The following MYBL2 variants were observed in gnomAD, a reference collection of about 807,000 sequenced individuals.
MYBL2 encodes myb-related protein B.
MYBL2 carries 28 observed loss-of-function variants against 79.9 expected under a neutral mutation model. The ratio of observed to expected loss-of-function variants is 0.35; its 90% CI spans 0.26 to 0.48. The LOEUF is 0.48. Ranked by LOEUF, MYBL2 falls within the 20% of genes least tolerant of loss-of-function variation. The pLI is 0.99. For missense variants in MYBL2, 735 were observed against 893.9 expected (o/e 0.82, Z 2.27); for synonymous variants, 378 against 361.2 (o/e 1.05, Z -0.53).
intron 4 of MYBL2, among the ~76,000 whole-genome samples, chr20:43,684,725 TAGTTGGGAGGCTG>T (rs758332623): frequency 4.0e-5 from 6 of 151,334 alleles, no homozygotes; most frequent in Non-Finnish European, 8.8e-5. Context: ...GGGGTGCCTG[TAGTTGGGAGGCTG>T]AGTTGGGAGG....
chr20:43,682,404 T>C (rs1436143254), intron 3 of MYBL2, among the ~76,000 whole-genome samples: 1 of 152,208 alleles, frequency 6.6e-6, no homozygotes, highest in Non-Finnish European at 1.5e-5. Flanking sequence ...AGAAAGCATG[T>C]CACCAGATCC....
chr20:43,695,564 C>T (rs1018702525), intron 6 of MYBL2, among the ~76,000 whole-genome samples: 5 of 152,028 alleles, frequency 3.3e-5, no homozygotes, highest in African/African-American at 1.2e-4. Flanking sequence ...TGGGGGGAAC[C>T]CTTTTGGCTG....
intron 9 of MYBL2, among the ~76,000 whole-genome samples, chr20:43,706,129 C>T (rs1987777804): frequency 6.6e-6 from 1 of 152,194 alleles, no homozygotes; most frequent in African/African-American, 2.4e-5. Context: ...ACCTGGCCCT[C>T]ATTTGATAAT....
At chr20:43,713,852 G>A (rs1371651688) in intron 12 of MYBL2, among the ~76,000 whole-genome samples, 1 of 152,204 alleles carries the variant, frequency 6.6e-6, no homozygotes, top group Non-Finnish European at 1.5e-5. Context: ...AGAAGCCAGG[G>A]TGTGCTGCTG....
At chr20:43,676,627 T>C (rs1467504679) in intron 2 of MYBL2, among the ~76,000 whole-genome samples, 2 of 152,232 alleles carry the variant, frequency 1.3e-5, no homozygotes, top group African/African-American at 2.4e-5. Context: ...ACCTTGAAGA[T>C]TCTTGCATAA....
chr20:43,699,582 G>C (rs285161), intron 6 of MYBL2, among the ~76,000 whole-genome samples, 175 bp from the exon 7 acceptor site: 141,858 of 152,298 alleles, frequency 0.93, 66,222 homozygotes, highest in African/African-American at 0.97. Flanking sequence ...CTTTCTTAGT[G>C]TCATGATGTT....
intron 12 of MYBL2, among the ~76,000 whole-genome samples, chr20:43,714,259 G>T (rs1226566281): frequency 6.6e-6 from 1 of 152,126 alleles, no homozygotes; most frequent in Admixed American, 6.5e-5. Flanking sequence ...GGAAGGGCGT[G>T]GGAGGGGCTT....
chr20:43,671,786 A>G (rs1437270027), intron 1 of MYBL2, among the ~76,000 whole-genome samples: 2 of 151,526 alleles, frequency 1.3e-5, no homozygotes, highest in Non-Finnish European at 1.5e-5. Flanking sequence ...CCATTTTTGT[A>G]ACTATTAAAC....
chr20:43,699,616 G>A (rs1266708399), intron 6 of MYBL2, 141 bp from the exon 7 acceptor site: 3 of 894,158 alleles, frequency 3.4e-6, no homozygotes, highest in African/African-American at 1.7e-5. Context: ...TATATGGTAT[G>A]GCTAATTATT....
At chr20:43,701,357 C>T (rs1047381649) in intron 7 of MYBL2, among the ~76,000 whole-genome samples, 1 of 152,198 alleles carries the variant, frequency 6.6e-6, no homozygotes, top group Non-Finnish European at 1.5e-5. Context: ...GTCCTGCCCC[C>T]CAGCTGGCCT....
At chr20:43,703,375 A>C (rs373436672) in intron 8 of MYBL2, among the ~76,000 whole-genome samples, 1 of 152,194 alleles carries the variant, frequency 6.6e-6, no homozygotes. Context: ...GGGAAGTGCC[A>C]TGTGATAGCA....
intron 3 of MYBL2, among the ~76,000 whole-genome samples, chr20:43,682,448 T>C (rs445912): frequency 0.85 from 129,791 of 152,226 alleles, 55,494 homozygotes; most frequent in Non-Finnish European, 0.88. Flanking sequence ...CCCCCTCTTC[T>C]GTGTAATCTG....
chr20:43,699,951 G>A lies in MYBL2; in HGVS notation c.858G>A (p.Thr286=), dbSNP rs774657690. The A allele has an allele frequency of 3.7e-6, 6 of 1,614,094 alleles. No homozygotes were observed. The South Asian group carries it at 5.5e-5, about 15-fold the overall frequency. ...ACCAGGAAGGCTCCCCACCAGAAAC[G>A]AGCCTGCCTTACAAGTGGGTGGTGG... ...REDQEGSPPE[T]SLPYKWVVEA... Residue 286 remains threonine (T), a synonymous_variant, in exon 7 of 14, where the codon ACG becomes ACA. Transcript: ENST00000217026.
At chr20:43,680,913 A>G (rs561752533) in intron 2 of MYBL2, among the ~76,000 whole-genome samples, 2 of 152,152 alleles carry the variant, frequency 1.3e-5, no homozygotes, top group African/African-American at 2.4e-5. Flanking sequence ...GGACATTTCC[A>G]TTGTCCCCAA....
chr20:43,674,513 G>A (rs1337895785), intron 2 of MYBL2, among the ~76,000 whole-genome samples: 1 of 151,460 alleles, frequency 6.6e-6, no homozygotes, highest in East Asian at 1.9e-4. Context: ...TCAGCCTCCC[G>A]AGTAGCTGGG....
chr20:43,690,574 C>G (rs1987382832), intron 5 of MYBL2, among the ~76,000 whole-genome samples: 1 of 152,150 alleles, frequency 6.6e-6, no homozygotes, highest in South Asian at 2.1e-4. Context: ...CACCCCTTAC[C>G]CTACACCTTT....
chr20:43,690,505 C>T (rs1051648186), intron 5 of MYBL2, among the ~76,000 whole-genome samples: 4 of 152,050 alleles, frequency 2.6e-5, no homozygotes, highest in Admixed American at 1.3e-4. Context: ...GCAGCATGCC[C>T]GGCAGCTGGG....
intron 2 of MYBL2, among the ~76,000 whole-genome samples, chr20:43,681,378 A>G (rs433732): frequency 0.81 from 123,271 of 152,158 alleles, 50,589 homozygotes; most frequent in Non-Finnish European, 0.88. Context: ...TGCATGATAG[A>G]TGGTTGAACT....
At chr20:43,715,033 C>A in intron 12 of MYBL2, 101 bp from the exon 13 acceptor site, 1 of 1,411,888 alleles carries the variant, frequency 7.1e-7, no homozygotes, top group Non-Finnish European at 9.9e-7. Context: ...TTTCAGGTCT[C>A]AGCAGCCAGG....
Sources: gnomAD v4.1 joint callset for allele counts (sites outside exome capture counted in the v4.1 genomes callset) on GRCh38, gnomAD v4.1.1 for gene constraint, MANE v1.5 for transcripts, NCBI Gene and HGNC (gene_info 2026-07-23, HGNC 2026-07-21) for gene names.